RAB22A: variants seen among roughly 807,000 people sequenced by gnomAD.
RAB22A encodes RAB22A, member RAS oncogene family.
In RAB22A, 13 loss-of-function variants were observed where a neutral mutation model predicts 30.2. The observed-to-expected ratio is 0.43, with a 90% CI of 0.28 to 0.68. RAB22A has a LOEUF of 0.68. Ranked by LOEUF, RAB22A falls within the 30% of genes least tolerant of loss-of-function variation. RAB22A has a pLI of 0.18. For missense variants in RAB22A, 177 were observed against 246.8 expected (o/e 0.72, Z 1.89); for synonymous variants, 89 against 87.2 (o/e 1.02, Z -0.11).
intron 2 of RAB22A, among the ~76,000 whole-genome samples, chr20:58,320,957 C>T (rs1223937951): frequency 6.6e-6 from 1 of 151,872 alleles, no homozygotes; most frequent in Non-Finnish European, 1.5e-5. Flanking sequence ...TTTGGGAGGC[C>T]GAGGCGGGTA....
At chr20:58,315,018 A>G (rs1986307627) in intron 2 of RAB22A, among the ~76,000 whole-genome samples, 1 of 152,084 alleles carries the variant, frequency 6.6e-6, no homozygotes, top group Non-Finnish European at 1.5e-5. Flanking sequence ...TGGAGGACCC[A>G]CAGCAAGAAC....
At chr20:58,350,436 A>G (rs1159376605) in intron 3 of RAB22A, among the ~76,000 whole-genome samples, 1 of 152,234 alleles carries the variant, frequency 6.6e-6, no homozygotes, top group Non-Finnish European at 1.5e-5. Flanking sequence ...ATAACTCACA[A>G]ATCCAAGAAG....
chr20:58,317,384 G>T (rs527372385), intron 2 of RAB22A, among the ~76,000 whole-genome samples: 192 of 145,474 alleles, frequency 1.3e-3, no homozygotes, highest in Non-Finnish European at 2.4e-3. Flanking sequence ...GGCATGAGCC[G>T]CCGTGCCTGG....
chr20:58,315,405 G>A (rs182287904), intron 2 of RAB22A, among the ~76,000 whole-genome samples: 4 of 152,176 alleles, frequency 2.6e-5, no homozygotes, highest in Non-Finnish European at 4.4e-5. Context: ...TACCTCACAC[G>A]GTATCTGTGT....
chr20:58,310,711 G>A (rs1278158756), intron 1 of RAB22A, among the ~76,000 whole-genome samples: 3 of 152,190 alleles, frequency 2.0e-5, no homozygotes, highest in Non-Finnish European at 4.4e-5. Flanking sequence ...GGATTCATCA[G>A]GGATTACTCA....
rs764314759 is a variant in RAB22A, at chr20:58,309,960, C to G, written c.-17C>G. The G allele has an allele frequency of 7.9e-7, 1 of 1,264,022 alleles. No individual in the cohort carries two copies. Among genetic ancestry groups the G allele is most frequent in the Non-Finnish European group, 1.0e-6 (1 of 996,986 alleles). The allele number at this position is 1,264,022 out of a possible 1,614,324, so 78.3% of individuals were successfully genotyped here. On this transcript the variant is annotated 5_prime_UTR_variant, in exon 1 of 7. Coordinates refer to ENST00000244040, the MANE Select transcript of RAB22A (RefSeq NM_020673.3). ...AACTTAGGGCGGCGGCGGGCCCGCG[C>G]CCCTGGCTCCCGGGCCATGGCGCTG...
intron 2 of RAB22A, among the ~76,000 whole-genome samples, chr20:58,316,774 T>C (rs1478514235): frequency 6.6e-6 from 1 of 152,206 alleles, no homozygotes; most frequent in African/African-American, 2.4e-5. Flanking sequence ...ACTGAGCTCG[T>C]GAACTCTCTC....
chr20:58,357,208 T>C (rs952022179), intron 6 of RAB22A, among the ~76,000 whole-genome samples: 1 of 152,248 alleles, frequency 6.6e-6, no homozygotes, highest in African/African-American at 2.4e-5. Context: ...TCATGACAGT[T>C]AATGAAGTCG....
chr20:58,336,073 G>A (rs1490841376), intron 2 of RAB22A, among the ~76,000 whole-genome samples: 7 of 152,044 alleles, frequency 4.6e-5, no homozygotes, highest in African/African-American at 9.7e-5. Context: ...GCAGTGGCAC[G>A]ATCTCAGCTC....
At chr20:58,342,008 C>A (rs1986862164) in intron 2 of RAB22A, among the ~76,000 whole-genome samples, 2 of 152,158 alleles carry the variant, frequency 1.3e-5, no homozygotes, top group South Asian at 4.1e-4. Context: ...TAAAACATTT[C>A]CTGGAGCTGC....
At chr20:58,355,831 A>C (rs1362893838) in intron 6 of RAB22A, among the ~76,000 whole-genome samples, 2 of 152,186 alleles carry the variant, frequency 1.3e-5, no homozygotes, top group Non-Finnish European at 2.9e-5. Flanking sequence ...TCTCTTAAAA[A>C]AACAAAAATC....
At chr20:58,338,898 C>G (rs1986808330) in intron 2 of RAB22A, among the ~76,000 whole-genome samples, 1 of 152,102 alleles carries the variant, frequency 6.6e-6, no homozygotes, top group South Asian at 2.1e-4. Flanking sequence ...AGTGAGAATC[C>G]TTTGTTAATT....
At chr20:58,340,916 G>C (rs1052294592) in intron 2 of RAB22A, among the ~76,000 whole-genome samples, 1 of 152,130 alleles carries the variant, frequency 6.6e-6, no homozygotes, top group African/African-American at 2.4e-5. Context: ...AGCAGTCAGT[G>C]GTCCGTGGGA....
rs541790290 is a variant in RAB22A at position 58,366,963 on chromosome 20, C to T, written c.*7260C>T. 1 of 152,560 alleles carries T rather than the reference C, an allele frequency of 6.6e-6. No individual in the cohort carries two copies. Among genetic ancestry groups the T allele is most frequent in the South Asian group, 2.1e-4 (1 of 4,820 alleles). The allele number at this position is 152,560 out of a possible 1,614,324, so 9.5% of individuals were successfully genotyped here. The stretch of plus-strand genomic sequence containing the variant: ...GTCCTACCAGCAATCTCTCTTTCTC[C>T]TAAGAATGTCATGCCTTCTCAAGAC... On this transcript the variant is annotated 3_prime_UTR_variant, in exon 7 of 7. Transcript: ENST00000244040.
chr20:58,347,594 A>G lies in RAB22A; in HGVS notation c.198+3795A>G, dbSNP rs535749322. 4.6e-5 allele frequency among the ~76,000 whole-genome samples: 7 copies of G among 152,354 alleles called. No homozygotes were observed. The South Asian group carries it at 1.4e-3, about 32-fold the overall frequency. On this transcript the variant is annotated intron_variant, in intron 3 of 6. Coordinates refer to ENST00000244040, the MANE Select transcript of RAB22A (RefSeq NM_020673.3). ...CAGAAAATTCATAGCCAAGTTATCA[A>G]TCAAGTTCGACTCAGTGTTCATCCA...
Position 58,364,626 on chromosome 20 carries a change from C to T in RAB22A, c.*4923C>T, listed in dbSNP as rs1987283406. 1 of 151,538 alleles carries T rather than the reference C, an allele frequency of 6.6e-6. No homozygotes were observed. The highest frequency in any genetic ancestry group is 2.1e-4 in the South Asian group (1 of 4,812). The allele number at this position is 151,538 out of a possible 1,614,324, so 9.4% of individuals were successfully genotyped here. ...GATCTGTATGGTGCCCAGTACTCCA[C>T]AAAATGCATCATAATTGAAACAACA... On this transcript the variant is annotated 3_prime_UTR_variant, in exon 7 of 7. Transcript: ENST00000244040.
At position 58,364,893 on chromosome 20, in the gene RAB22A, C is replaced by T. The variant is rs563814601; in HGVS notation, c.*5190C>T. On this transcript the variant is annotated 3_prime_UTR_variant, in exon 7 of 7. Coordinates refer to ENST00000244040, the MANE Select transcript of RAB22A (RefSeq NM_020673.3). ...GGGATGACAGGCGTGCACCACCATA[C>T]CCAGCTAATTTTTGTATTTTTAGTA... 3.9e-5 allele frequency: 6 copies of T among 152,142 alleles called. No individual in the cohort carries two copies. The South Asian group carries it at 1.2e-3, about 32-fold the overall frequency. 9.4% of individuals were successfully genotyped at this position (152,142 alleles called of 1,614,324 possible).
chr20:58,330,373 T>G (rs1600729586), intron 2 of RAB22A, among the ~76,000 whole-genome samples: 1 of 152,212 alleles, frequency 6.6e-6, no homozygotes, highest in Non-Finnish European at 1.5e-5. Flanking sequence ...TAGATTATAT[T>G]TATAGTAGCT....
chr20:58,350,607 G>A (rs931431082), intron 3 of RAB22A, among the ~76,000 whole-genome samples: 1 of 152,152 alleles, frequency 6.6e-6, no homozygotes, highest in African/African-American at 2.4e-5. Flanking sequence ...ACACATAAAC[G>A]CCGGAGACCA....
Sources: allele counts gnomAD v4.1 joint callset (sites outside exome capture counted in the v4.1 genomes callset), GRCh38; gene constraint gnomAD v4.1.1; transcripts MANE v1.5; gene names NCBI Gene and HGNC (gene_info 2026-07-23, HGNC 2026-07-21).